The following NFIC variants were observed in gnomAD, a reference collection of about 807,000 sequenced individuals.
NFIC encodes the protein nuclear factor I C.
Under a neutral mutation model 54.4 loss-of-function variants are expected in NFIC, and 12 were observed. That is an observed-to-expected ratio of 0.22 (90% confidence interval 0.14 to 0.36). The LOEUF is 0.36. NFIC is among the 10% of genes least tolerant of loss of function. NFIC has a pLI of 1.00. For missense variants in NFIC, 575 were observed against 718.2 expected (o/e 0.80, Z 2.28); for synonymous variants, 322 against 319.2 (o/e 1.01, Z -0.09).
At chr19:3,364,442 G>A (rs1568392859), upstream of NFIC, among the ~76,000 whole-genome samples, 1 of 152,138 alleles carries the variant, frequency 6.6e-6, no homozygotes, top group East Asian at 1.9e-4. Flanking sequence ...GCGAGCCCAC[G>A]CGGCAATTTA....
At chr19:3,427,828 AAAAG>A (rs1475595281) in intron 3 of NFIC, among the ~76,000 whole-genome samples, 59 of 149,428 alleles carry the variant, frequency 3.9e-4, no homozygotes, top group African/African-American at 1.2e-3. Flanking sequence ...AAAAAAAAAA[AAAAG>A]AAGAAGAAGA....
intron 3 of NFIC, among the ~76,000 whole-genome samples, chr19:3,426,820 C>T (rs556118222): frequency 5.3e-5 from 8 of 152,228 alleles, no homozygotes; most frequent in South Asian, 4.2e-4. Flanking sequence ...ACTAACTGCT[C>T]GCTTGTTCTC....
chr19:3,380,735 G>C (rs2081193386), intron 1 of NFIC, among the ~76,000 whole-genome samples: 1 of 147,902 alleles, frequency 6.8e-6, no homozygotes, highest in African/African-American at 2.5e-5. Context: ...GGGCTCAAAT[G>C]ATCCTCCCAC....
intron 2 of NFIC, among the ~76,000 whole-genome samples, chr19:3,423,247 G>T (rs1367714858): frequency 6.6e-6 from 1 of 151,972 alleles, no homozygotes; most frequent in Non-Finnish European, 1.5e-5. Flanking sequence ...TAATGGGGCG[G>T]ACTCTCGTGA....
Position 3,465,899 on chromosome 19 carries a change from C to T in NFIC, c.*3130C>T, listed in dbSNP as rs895216584. ...CCCCCTCTCCCCTGCCCCGTGCATCCCCACCCTTCTTGCCAAAGGACCTCT... is the reference window on the plus strand; with the variant it reads ...CCCCCTCTCCCCTGCCCCGTGCATCTCCACCCTTCTTGCCAAAGGACCTCT... On this transcript the variant is annotated 3_prime_UTR_variant, in exon 11 of 11. Transcript: ENST00000443272. 1.3e-5 allele frequency: 2 copies of T among 152,292 alleles called. No homozygotes were observed. The highest frequency in any genetic ancestry group is 2.4e-5 in the African/African-American group (1 of 41,432). 9.4% of individuals were successfully genotyped at this position (152,292 alleles called of 1,614,324 possible). A position where few individuals can be genotyped will look rare whatever the true frequency, so the allele number is the denominator to read the frequency against.
At chr19:3,443,472 A>C (rs4807470) in intron 6 of NFIC, among the ~76,000 whole-genome samples, 5 of 151,526 alleles carry the variant, frequency 3.3e-5, no homozygotes, top group Non-Finnish European at 5.9e-5. Context: ...TCACAACGGA[A>C]TAAACTCCTA....
At chr19:3,366,125 G>A (rs1295751925), upstream of NFIC, among the ~76,000 whole-genome samples, 1 of 151,614 alleles carries the variant, frequency 6.6e-6, no homozygotes, top group Non-Finnish European at 1.5e-5. Context: ...ATCCACCCCT[G>A]GCCCCTCAAT....
intron 2 of NFIC, among the ~76,000 whole-genome samples, chr19:3,417,593 A>G (rs1449059320): frequency 6.7e-6 from 1 of 148,716 alleles, no homozygotes; most frequent in Admixed American, 6.7e-5. Flanking sequence ...TAGGTGGAGG[A>G]GGAGGAATTA....
In NFIC at chr19:3,441,794, A is replaced by G. The variant is rs113997624; in HGVS notation, c.958+6587A>G. The stretch of plus-strand genomic sequence containing the variant: ...GGTGCCTCCGCAGAGGGAGGACACA[A>G]AACAGGAACCCAGGCAGGCAGGGTC... On this transcript the variant is annotated intron_variant, in intron 6 of 10. Coordinates refer to ENST00000443272, the MANE Select transcript of NFIC (RefSeq NM_001245002.2). 2.5e-3 allele frequency among the ~76,000 whole-genome samples: 379 copies of G among 152,284 alleles called. 3 individuals are homozygous for G. The highest frequency in any genetic ancestry group is 7.8e-3 in the African/African-American group (324 of 41,582).
At chr19:3,416,473 ATTTG>A (rs2081856293) in intron 2 of NFIC, among the ~76,000 whole-genome samples, 1 of 150,912 alleles carries the variant, frequency 6.6e-6, no homozygotes, top group Non-Finnish European at 1.5e-5. Context: ...ATACAAATAT[ATTTG>A]TTTTTTTCTA....
rs1018299890 is a variant in NFIC at position 3,369,726 on chromosome 19, G to T, written c.30+3060G>T. Among the ~76,000 whole-genome samples the T allele has an allele frequency of 6.8e-6, 1 of 147,902 alleles. No homozygotes were observed. The highest frequency in any genetic ancestry group is 1.5e-5 in the Non-Finnish European group (1 of 66,974). On this transcript the variant is annotated intron_variant, in intron 1 of 10. Transcript: ENST00000443272. This position sits in a 1 kb window ranked among gnomAD's most constrained non-coding sequence, Gnocchi z 4.3. ...TGCCGGCGGGAAGGCCGGCCTCCCC[G>T]CGCCTGCTCTGGGCCTCCCTCCCTG...
intron 1 of NFIC, among the ~76,000 whole-genome samples, chr19:3,360,045 G>A (rs1035306616): frequency 1.5e-4 from 22 of 148,670 alleles, no homozygotes; most frequent in African/African-American, 4.9e-4. Flanking sequence ...GCGCGGCCCT[G>A]GGCGCACGAC....
chr19:3,455,127 A>G (rs967134578), intron 9 of NFIC, among the ~76,000 whole-genome samples: 2 of 152,208 alleles, frequency 1.3e-5, no homozygotes, highest in Non-Finnish European at 2.9e-5. Context: ...GTGGCGCCTG[A>G]TGCTGCGTGG....
chr19:3,396,684 G>C (rs761359038), intron 2 of NFIC, among the ~76,000 whole-genome samples: 1 of 152,210 alleles, frequency 6.6e-6, no homozygotes, highest in African/African-American at 2.4e-5. Context: ...GGCCGAGCAC[G>C]GCGGCTCACA....
At position 3,463,620 on chromosome 19, in the gene NFIC, G is replaced by GGCC. The variant is rs2082673855; in HGVS notation, c.*851_*852insGCC. 1.1e-6 allele frequency: 1 copy of GGCC among 881,832 alleles called. No homozygotes were observed. Among genetic ancestry groups the GGCC allele is most frequent in the Non-Finnish European group, 1.4e-6 (1 of 738,578 alleles). The allele number at this position is 881,832 out of a possible 1,614,324, so 54.6% of individuals were successfully genotyped here. A position where few individuals can be genotyped will look rare whatever the true frequency, so the allele number is the denominator to read the frequency against. On this transcript the variant is annotated 3_prime_UTR_variant, in exon 11 of 11. Coordinates refer to ENST00000443272, the MANE Select transcript of NFIC (RefSeq NM_001245002.2). ...AGAAGTCTCTATGCAATTGGCCCCG[G>GGCC]CCCCTCCACCCCCCACCCCCGGCAT... is the stretch of plus-strand genomic sequence containing the variant.
chr19:3,448,433 G>C (rs2145671842), intron 6 of NFIC, among the ~76,000 whole-genome samples: 1 of 152,276 alleles, frequency 6.6e-6, no homozygotes, highest in Non-Finnish European at 1.5e-5. Flanking sequence ...GCTGAGTTGG[G>C]GGCTGTGGGG....
intron 2 of NFIC, among the ~76,000 whole-genome samples, chr19:3,399,316 CCT>C (rs1425554201): frequency 2.6e-5 from 4 of 152,210 alleles, no homozygotes; most frequent in African/African-American, 9.7e-5. Context: ...GTGGCTCACA[CCT>C]GTAATCCCAG....
intron 2 of NFIC, among the ~76,000 whole-genome samples, chr19:3,416,062 A>T (rs2081848860): frequency 6.6e-6 from 1 of 151,760 alleles, no homozygotes; most frequent in Non-Finnish European, 1.5e-5. Flanking sequence ...ACTTGGGAAA[A>T]GAAGGCAAGA....
chr19:3,365,537 C>G (rs2080868999), upstream of NFIC, among the ~76,000 whole-genome samples: 1 of 152,148 alleles, frequency 6.6e-6, no homozygotes, highest in East Asian at 1.9e-4. Flanking sequence ...GGAGGCAGGC[C>G]AGGTCTCTGC....
Sources: allele counts gnomAD v4.1 joint callset (sites outside exome capture counted in the v4.1 genomes callset), GRCh38; gene constraint gnomAD v4.1.1; non-coding constraint Gnocchi (gnomAD v3.1); transcripts MANE v1.5; gene names NCBI Gene and HGNC (gene_info 2026-07-23, HGNC 2026-07-21).